Variants in OXR1 observed in about 807,000 individuals in gnomAD.
OXR1 encodes the protein oxidation resistance 1.
Under a neutral mutation model 104.6 loss-of-function variants are expected in OXR1, and 41 were observed. That is an observed-to-expected ratio of 0.39 (90% CI 0.31 to 0.51). The LOEUF is 0.51. OXR1 is among the 20% of genes least tolerant of loss of function. The probability of loss-of-function intolerance (pLI) is 0.77; values close to 1 mark genes in which losing one functional copy is unlikely to be tolerated. For synonymous variants in OXR1, 348 were observed against 348.4 expected (o/e 1.00, Z 0.01); for missense variants, 955 against 1,031.9 (o/e 0.93, Z 1.02).
At chr8:106,410,406 G>A (rs964004256) in intron 2 of OXR1, among the ~76,000 whole-genome samples, 3 of 152,086 alleles carry the variant, frequency 2.0e-5, no homozygotes, top group African/African-American at 4.8e-5. Context: ...GGTGTTAGAC[G>A]TTGGCTATTA....
chr8:106,341,041 T>A (rs1285364815), intron 1 of OXR1, among the ~76,000 whole-genome samples: 2 of 152,146 alleles, frequency 1.3e-5, no homozygotes, highest in African/African-American at 4.8e-5. Context: ...CTTGTCTGCC[T>A]TAAAAGCAGT....
At chr8:106,680,025 G>A (rs73699984) in intron 4 of OXR1, among the ~76,000 whole-genome samples, 113 of 151,956 alleles carry the variant, frequency 7.4e-4, no homozygotes, top group African/African-American at 2.5e-3. Flanking sequence ...CATTAATTTA[G>A]CATTTGTATC....
intron 3 of OXR1, among the ~76,000 whole-genome samples, chr8:106,642,686 A>T (rs1432861051): frequency 1.3e-5 from 2 of 152,192 alleles, no homozygotes; most frequent in Admixed American, 1.3e-4. Flanking sequence ...AAAAAAGAAG[A>T]ATCAGGTTTG....
intron 3 of OXR1, among the ~76,000 whole-genome samples, chr8:106,657,130 T>C (rs1825164532): frequency 6.6e-6 from 1 of 152,120 alleles, no homozygotes; most frequent in African/African-American, 2.4e-5. Flanking sequence ...CCTGTCTAGG[T>C]TCTTTGTCCC....
At chr8:106,682,745 A>G (rs1465587676) in intron 4 of OXR1, among the ~76,000 whole-genome samples, 1 of 152,220 alleles carries the variant, frequency 6.6e-6, no homozygotes, top group East Asian at 1.9e-4. Flanking sequence ...TTTAGTTCAA[A>G]TATTTTTCTA....
intron 2 of OXR1, among the ~76,000 whole-genome samples, chr8:106,383,619 TTTTGCCC>T (rs1254748103): frequency 5.3e-5 from 8 of 152,298 alleles, no homozygotes; most frequent in African/African-American, 1.9e-4. Flanking sequence ...GAGTGTACAC[TTTTGCCC>T]AAAAGATAAA....
At chr8:106,325,544 G>A (rs1274273395) in intron 1 of OXR1, among the ~76,000 whole-genome samples, 1 of 152,184 alleles carries the variant, frequency 6.6e-6, no homozygotes, top group Non-Finnish European at 1.5e-5. Flanking sequence ...GGGTTGCTGT[G>A]AAGGTTATGA....
chr8:106,739,292 C>T (rs1587300825), intron 12 of OXR1, among the ~76,000 whole-genome samples, 166 bp from the exon 13 acceptor site: 1 of 152,162 alleles, frequency 6.6e-6, no homozygotes, highest in Non-Finnish European at 1.5e-5. Context: ...ACATTGGCTA[C>T]ATCATAGATA....
intron 3 of OXR1, among the ~76,000 whole-genome samples, chr8:106,641,570 C>G (rs908293735): frequency 6.6e-6 from 1 of 152,114 alleles, no homozygotes; most frequent in Non-Finnish European, 1.5e-5. Context: ...TTCTCAACAT[C>G]CAGTAGAATA....
At chr8:106,271,482 C>G in intron 1 of OXR1, among the ~76,000 whole-genome samples, 1 of 151,986 alleles carries the variant, frequency 6.6e-6, no homozygotes. Flanking sequence ...CCCAGAGGTG[C>G]GGTGTTTTTG....
At chr8:106,726,659 A>G (rs913293998) in intron 11 of OXR1, among the ~76,000 whole-genome samples, 2 of 152,202 alleles carry the variant, frequency 1.3e-5, no homozygotes, top group Admixed American at 1.3e-4. Context: ...AATAGAACAG[A>G]GTAAATTAAT....
intron 2 of OXR1, among the ~76,000 whole-genome samples, chr8:106,417,250 A>G (rs552370280): frequency 1.3e-5 from 2 of 152,162 alleles, no homozygotes; most frequent in African/African-American, 2.4e-5. Context: ...TTAACATGAT[A>G]GCTGGCAGAT....
chr8:106,720,669 A>G, intron 11 of OXR1: 1 of 928,632 alleles, frequency 1.1e-6, no homozygotes, highest in Non-Finnish European at 1.3e-6. Flanking sequence ...GCTCCCTTAC[A>G]TACCACAGGA....
chr8:106,476,192 A>T (rs183614265), intron 2 of OXR1, among the ~76,000 whole-genome samples: 4 of 151,964 alleles, frequency 2.6e-5, no homozygotes, highest in Non-Finnish European at 4.4e-5. Flanking sequence ...CTAGAGGCTG[A>T]ATTAGAGATG....
At chr8:106,627,100 C>T (rs1822237385) in intron 3 of OXR1, among the ~76,000 whole-genome samples, 1 of 151,958 alleles carries the variant, frequency 6.6e-6, no homozygotes, top group Admixed American at 6.6e-5. Context: ...TTCTATTAAG[C>T]AAAATTGGAT....
At chr8:106,354,886 T>G (rs1181268359) in intron 1 of OXR1, among the ~76,000 whole-genome samples, 1 of 152,136 alleles carries the variant, frequency 6.6e-6, no homozygotes, top group Non-Finnish European at 1.5e-5. Flanking sequence ...ATATAGTATT[T>G]TTTTTCAGAT....
At chr8:106,493,904 G>T (rs2510831) in intron 2 of OXR1, among the ~76,000 whole-genome samples, 139,833 of 152,226 alleles carry the variant, frequency 0.92, 64,417 homozygotes, top group African/African-American at 0.97. Flanking sequence ...TCTGAACTGG[G>T]TATCAAAGTA....
chr8:106,314,405 G>A (rs1257874125), intron 1 of OXR1, among the ~76,000 whole-genome samples: 1 of 152,188 alleles, frequency 6.6e-6, no homozygotes, highest in East Asian at 1.9e-4. Context: ...AATTAGTGAT[G>A]AAGCTGACTA....
intron 6 of OXR1, among the ~76,000 whole-genome samples, chr8:106,686,938 A>G (rs1467996880): frequency 6.6e-6 from 1 of 152,230 alleles, no homozygotes; most frequent in Non-Finnish European, 1.5e-5. Context: ...AAAAATAGCT[A>G]AAATGTAGTA....
Sources: allele counts gnomAD v4.1 joint callset (sites outside exome capture counted in the v4.1 genomes callset), GRCh38; gene constraint gnomAD v4.1.1; transcripts MANE v1.5; gene names NCBI Gene and HGNC (gene_info 2026-07-23, HGNC 2026-07-21).